Variants in DNAH14 observed in about 807,000 individuals in gnomAD.
The protein encoded by DNAH14 is dynein axonemal heavy chain 14, also known as axonemal beta dynein heavy chain 14.
Under a neutral mutation model 520.9 loss-of-function variants are expected in DNAH14, and 478 were observed. The observed-to-expected ratio is 0.92, with a 90% CI of 0.85 to 0.99. The LOEUF is 0.99. Ranked by LOEUF, DNAH14 falls within the 50% of genes least tolerant of loss-of-function variation. DNAH14 has a pLI of 0.00. For synonymous variants in DNAH14, 1,581 were observed against 1,757.2 expected, an observed-to-expected ratio of 0.90 and a Z score of 2.51; for missense variants, 4,831 against 5,234.5, an observed-to-expected ratio of 0.92 and a Z score of 2.38.
At chr1:225,131,351 G>A (rs2078401090) in intron 27 of DNAH14, among the ~76,000 whole-genome samples, 1 of 152,104 alleles carries the variant, frequency 6.6e-6, no homozygotes, top group Admixed American at 6.6e-5. Flanking sequence ...CTTTCTAGAG[G>A]CTCTTGGGGA....
Position 225,335,643 on chromosome 1 carries a change from A to G in DNAH14, c.10081-1623A>G, listed in dbSNP as rs573215665. Reference sequence around the variant, plus strand: ...TACGCATATATACATATGTGCATATATGTATATACGCATATATACATATGT... The same window carrying G: ...TACGCATATATACATATGTGCATATGTGTATATACGCATATATACATATGT... On this transcript the variant is annotated intron_variant, in intron 66 of 85. Coordinates refer to ENST00000682510, the MANE Select transcript of DNAH14 (RefSeq NM_001367479.1). Among the ~76,000 whole-genome samples, 15 of 120,222 alleles carry G rather than the reference A, an allele frequency of 1.2e-4. 1 individual carries two copies. Among genetic ancestry groups the G allele is most frequent in the Non-Finnish European group, 1.9e-4 (11 of 58,972 alleles). 78.9% of individuals were successfully genotyped at this position (120,222 alleles called of 152,430 possible).
chr1:224,974,047 C>A lies in DNAH14; in HGVS notation c.768-44C>A, dbSNP rs187541101. On this transcript the variant is annotated intron_variant, in intron 7 of 85. Transcript: ENST00000682510. ...TTACTAAATTTATTCCATATAAATA[C>A]GTGGTTTATGGATATGGAATATAAG... 13 of 1,252,792 alleles carry A rather than the reference C, an allele frequency of 1.0e-5. No individual in the cohort carries two copies. In the South Asian group the frequency reaches 2.1e-4, roughly 20 times the overall value. 77.6% of individuals were successfully genotyped at this position (1,252,792 alleles called of 1,614,324 possible). A position where few individuals can be genotyped will look rare whatever the true frequency, so the allele number is the denominator to read the frequency against.
intron 22 of DNAH14, among the ~76,000 whole-genome samples, chr1:225,098,887 A>G (rs2075214437): frequency 6.6e-6 from 1 of 152,212 alleles, no homozygotes. Context: ...GAAGGCATCT[A>G]TCTAATAGGT....
At chr1:225,102,931 T>C (rs2075650441) in intron 23 of DNAH14, among the ~76,000 whole-genome samples, 1 of 152,208 alleles carries the variant, frequency 6.6e-6, no homozygotes, top group South Asian at 2.1e-4. Flanking sequence ...TTGTTGCCAT[T>C]GCTTTTGTTG....
intron 60 of DNAH14, among the ~76,000 whole-genome samples, chr1:225,314,031 A>G (rs904383005): frequency 3.9e-5 from 6 of 152,218 alleles, no homozygotes; most frequent in African/African-American, 1.4e-4. Flanking sequence ...TAATATTGAC[A>G]GTGGTATGTT....
At chr1:225,102,143 T>C (rs1267053061) in intron 23 of DNAH14, among the ~76,000 whole-genome samples, 1 of 150,812 alleles carries the variant, frequency 6.6e-6, no homozygotes, top group East Asian at 2.0e-4. Flanking sequence ...ATGCGGTGTT[T>C]GGTTTTTTCT....
intron 7 of DNAH14, among the ~76,000 whole-genome samples, chr1:224,972,611 G>A (rs9426159): frequency 0.095 from 14,459 of 151,782 alleles, 2,204 homozygotes; most frequent in African/African-American, 0.33. Context: ...GACTACAGGC[G>A]CCTGCCACCA....
At chr1:225,356,672 T>C (rs1294080656) in intron 73 of DNAH14, among the ~76,000 whole-genome samples, 1 of 152,144 alleles carries the variant, frequency 6.6e-6, no homozygotes, top group Non-Finnish European at 1.5e-5. Flanking sequence ...GTGTTGAAAA[T>C]ATCTAGAAGG....
At chr1:225,277,325 G>T in intron 53 of DNAH14, 85 bp from the exon 54 acceptor site, 2 of 401,238 alleles carry the variant, frequency 5.0e-6, no homozygotes, top group Non-Finnish European at 1.1e-5. Flanking sequence ...TCTCCTTTCT[G>T]TAAGTAAATT....
At chr1:225,100,990 A>T in intron 23 of DNAH14, 106 bp downstream of exon 23, 1 of 954,818 alleles carries the variant, frequency 1.0e-6, no homozygotes, top group Non-Finnish European at 1.5e-6. Flanking sequence ...GATTTTCTTT[A>T]TTCTAGCTGC....
At chr1:225,220,344 A>G (rs754415339) in intron 41 of DNAH14, among the ~76,000 whole-genome samples, 3 of 152,306 alleles carry the variant, frequency 2.0e-5, no homozygotes, top group Admixed American at 2.0e-4. Context: ...ACTGTATTCA[A>G]ATAGGAAGAG....
chr1:224,977,446 C>T (rs534353867), intron 8 of DNAH14, among the ~76,000 whole-genome samples: 28 of 151,998 alleles, frequency 1.8e-4, no homozygotes, highest in South Asian at 6.3e-4. Context: ...ATGTAACTAA[C>T]GTGCACATTG....
At chr1:225,393,515 C>T (rs2095950434) in intron 84 of DNAH14, among the ~76,000 whole-genome samples, 2 of 152,196 alleles carry the variant, frequency 1.3e-5, no homozygotes, top group South Asian at 2.1e-4. Context: ...TCTACATCAT[C>T]GCTAGGTGAT....
intron 17 of DNAH14, among the ~76,000 whole-genome samples, chr1:225,075,051 T>C (rs534332254): frequency 6.6e-6 from 1 of 152,324 alleles, no homozygotes; most frequent in East Asian, 1.9e-4. Flanking sequence ...CTAAAGCTCC[T>C]GGGTTTCTGT....
chr1:225,091,483 G>A (rs537349102), intron 21 of DNAH14, among the ~76,000 whole-genome samples: 12 of 152,168 alleles, frequency 7.9e-5, no homozygotes, highest in Admixed American at 2.0e-4. Context: ...AGCCAAATTA[G>A]ATTTCATAAG....
Position 225,364,058 on chromosome 1 carries a change from G to T in DNAH14, c.11988-734G>T, listed in dbSNP as rs569452930. 8.1e-4 allele frequency among the ~76,000 whole-genome samples: 124 copies of T among 152,210 alleles called. 1 individual carries two copies. The highest frequency in any genetic ancestry group is 2.9e-3 in the African/African-American group (120 of 41,528). ...GGGTTTTAGCTGATATTTTCTTACG[G>T]TTAGATTAAGGCTATGCAGTATTGT... On this transcript the variant is annotated intron_variant, in intron 75 of 85. Coordinates refer to ENST00000682510, the MANE Select transcript of DNAH14 (RefSeq NM_001367479.1).
rs367566298 is a variant in DNAH14, at chr1:225,085,621, T to G, written c.3405T>G (p.Phe1135Leu). The change falls in exon 21 of 86, where the codon TTT becomes TTG. Residue 1135 changes from phenylalanine (F) to leucine (L), a missense_variant. By Grantham distance (22) the Phe-to-Leu change is conservative. Transcript: ENST00000682510. ...AAGCTGCTCTTGAAAAAATGCTATTTAAGATTATTGATTTTTGGAACACTA... is the reference window on the plus strand; with the variant it reads ...AAGCTGCTCTTGAAAAAATGCTATTGAAGATTATTGATTTTTGGAACACTA... ...TNEAALEKML[F>L]KIIDFWNTTP... 10 of 1,551,102 alleles carry G rather than the reference T, an allele frequency of 6.4e-6. No individual in the cohort carries two copies. Among genetic ancestry groups the G allele is most frequent in the Non-Finnish European group, 8.7e-6 (10 of 1,146,732 alleles).
intron 21 of DNAH14, among the ~76,000 whole-genome samples, chr1:225,086,432 C>A (rs923417782): frequency 1.1e-4 from 17 of 152,080 alleles, no homozygotes; most frequent in African/African-American, 4.1e-4. Flanking sequence ...CCGTGCCCGA[C>A]CCCTAATAAT....
At chr1:225,279,513 A>G (rs1264286201) in intron 54 of DNAH14, among the ~76,000 whole-genome samples, 2 of 152,230 alleles carry the variant, frequency 1.3e-5, no homozygotes, top group Non-Finnish European at 2.9e-5. Flanking sequence ...AATAATGGTT[A>G]TCTAGATTGG....
Sources: allele counts gnomAD v4.1 joint callset (sites outside exome capture counted in the v4.1 genomes callset), GRCh38; gene constraint gnomAD v4.1.1; transcripts MANE v1.5; gene names NCBI Gene and HGNC (gene_info 2026-07-23, HGNC 2026-07-21).